The following IKBKB-DT variants were observed in gnomAD, a reference collection of about 807,000 sequenced individuals.
IKBKB-DT encodes the protein IKBKB divergent transcript, also known as IKBKB antisense RNA.
intron 1 of IKBKB-DT, among the ~76,000 whole-genome samples, chr8:42,268,694 G>A (rs980161781): frequency 6.6e-6 from 1 of 151,286 alleles, no homozygotes; most frequent in Non-Finnish European, 1.5e-5. Context: ...AGCCTCCCAA[G>A]TAGCTGGGAT....
At chr8:42,244,526 A>T (rs2129909571) in intron 3 of IKBKB-DT, among the ~76,000 whole-genome samples, 1 of 152,294 alleles carries the variant, frequency 6.6e-6, no homozygotes, top group East Asian at 1.9e-4. Context: ...GTGCTGATTA[A>T]TAATAATTTG....
rs148439826 is a variant in IKBKB-DT, at chr8:42,238,614, G to A, written n.1530-4755C>T. ...GTTAGGAGTCACGGAGCCAGAGGTC[G>A]TTGAGATTTGTGACTTCCCCAATCA... is the stretch of plus-strand genomic sequence containing the variant. On this transcript the variant is annotated intron_variant and non_coding_transcript_variant, in intron 3 of 3. Coordinates refer to ENST00000518213, the Ensembl canonical transcript of IKBKB-DT. 4.3e-4 allele frequency among the ~76,000 whole-genome samples: 66 copies of A among 152,300 alleles called. 1 individual carries two copies. In the East Asian group the frequency reaches 6.9e-3, roughly 16 times the overall value.
intron 3 of IKBKB-DT, among the ~76,000 whole-genome samples, chr8:42,238,987 G>C (rs1806963094): frequency 6.6e-6 from 1 of 152,098 alleles, no homozygotes. Flanking sequence ...CTGCAACACT[G>C]CTGTCTCTGT....
chr8:42,247,796 T>C (rs1807080687), intron 3 of IKBKB-DT, among the ~76,000 whole-genome samples: 1 of 152,064 alleles, frequency 6.6e-6, no homozygotes, highest in Non-Finnish European at 1.5e-5. Context: ...CCTGCTGCCT[T>C]GTGAAGAAAG....
chr8:42,241,223 TC>T (rs1179389333), intron 3 of IKBKB-DT, among the ~76,000 whole-genome samples: 8 of 122,072 alleles, frequency 6.6e-5, no homozygotes, highest in African/African-American at 1.6e-4. Flanking sequence ...TATGTTGGAA[TC>T]TTTTTTTTTT....
At chr8:42,254,687 C>T (rs1361791974) in intron 3 of IKBKB-DT, among the ~76,000 whole-genome samples, 3 of 146,488 alleles carry the variant, frequency 2.0e-5, no homozygotes, top group Non-Finnish European at 4.5e-5. Flanking sequence ...GGGCCTCTGC[C>T]TGGCCTCCCC....
chr8:42,267,516 C>A (rs1807391896), intron 1 of IKBKB-DT, among the ~76,000 whole-genome samples: 1 of 152,032 alleles, frequency 6.6e-6, no homozygotes, highest in South Asian at 2.1e-4. Flanking sequence ...GTCTTAAAAA[C>A]CCAGTAAGAT....
At chr8:42,261,270 G>A (rs536326921) in intron 3 of IKBKB-DT, among the ~76,000 whole-genome samples, 9 of 152,058 alleles carry the variant, frequency 5.9e-5, no homozygotes, top group Admixed American at 5.2e-4. Context: ...CGAGGCTGCA[G>A]TGAGCCATGA....
At chr8:42,243,115 G>C (rs1807024215) in intron 3 of IKBKB-DT, among the ~76,000 whole-genome samples, 1 of 152,206 alleles carries the variant, frequency 6.6e-6, no homozygotes, top group Non-Finnish European at 1.5e-5. Context: ...CCTCGTGCCA[G>C]CTTAGTGTCT....
Position 42,236,231 on chromosome 8 carries a change from C to A in IKBKB-DT, n.1530-2372G>T, listed in dbSNP as rs531778987. ...GCACAGGCTGGTCTTGAACTCCTGG[C>A]CTCCAGCAATCCACCCACCTTGACC... On this transcript the variant is annotated intron_variant and non_coding_transcript_variant, in intron 3 of 3. Transcript: ENST00000518213. Among the ~76,000 whole-genome samples, 396 of 151,664 alleles carry A rather than the reference C, an allele frequency of 2.6e-3. 6 individuals carry two copies. The highest frequency in any genetic ancestry group is 0.025 in the Admixed American group (377 of 15,242).
chr8:42,251,762 G>A (rs528910386), intron 3 of IKBKB-DT, among the ~76,000 whole-genome samples: 1 of 150,646 alleles, frequency 6.6e-6, no homozygotes, highest in African/African-American at 2.5e-5. Context: ...ACCTGGGGCA[G>A]AGGTTGCCGT....
At chr8:42,250,573 A>G (rs563275865) in intron 3 of IKBKB-DT, among the ~76,000 whole-genome samples, 2 of 152,302 alleles carry the variant, frequency 1.3e-5, no homozygotes, top group African/African-American at 2.4e-5. Flanking sequence ...ATGTCTCCCA[A>G]AGTTATCTTG....
intron 2 of IKBKB-DT, among the ~76,000 whole-genome samples, chr8:42,263,810 G>T (rs190925432): frequency 3.3e-5 from 5 of 152,020 alleles, no homozygotes; most frequent in Non-Finnish European, 7.4e-5. Flanking sequence ...ATGGAGACGC[G>T]TTTTTTTGTT....
chr8:42,245,431 T>C (rs533761013), intron 3 of IKBKB-DT, among the ~76,000 whole-genome samples: 4 of 152,312 alleles, frequency 2.6e-5, no homozygotes, highest in Non-Finnish European at 1.5e-5. Context: ...AAACTGATTG[T>C]GTTCACAAAG....
exon 2 of IKBKB-DT, chr8:42,265,645 C>T (rs1176542230): frequency 6.6e-6 from 1 of 152,276 alleles, no homozygotes; most frequent in East Asian, 1.9e-4. Context: ...TACACCGGCC[C>T]ATAGCCTTTG....
chr8:42,271,190 G>A (rs1384325114), exon 1 of IKBKB-DT: 1 of 610,688 alleles, frequency 1.6e-6, no homozygotes, highest in Non-Finnish European at 2.9e-6. Flanking sequence ...CCGCCCCGGG[G>A]GAGTCGCCCG....
chr8:42,246,717 T>C (rs1488765682), intron 3 of IKBKB-DT, among the ~76,000 whole-genome samples: 1 of 152,336 alleles, frequency 6.6e-6, no homozygotes, highest in Middle Eastern at 3.4e-3. Flanking sequence ...ACCCTTTGAC[T>C]ATCCCTACAT....
At chr8:42,258,635 A>AT (rs1807240248) in intron 3 of IKBKB-DT, among the ~76,000 whole-genome samples, 1 of 151,668 alleles carries the variant, frequency 6.6e-6, no homozygotes, top group Non-Finnish European at 1.5e-5. Flanking sequence ...TGCCCGGCTA[A>AT]TTTTTTGTAT....
intron 3 of IKBKB-DT, among the ~76,000 whole-genome samples, chr8:42,260,039 GAGA>G (rs1488879473): frequency 2.0e-5 from 3 of 151,234 alleles, no homozygotes; most frequent in Non-Finnish European, 4.4e-5. Flanking sequence ...GAGAAGTGGA[GAGA>G]AGATGAGAGA....
Sources: allele counts gnomAD v4.1 joint callset (sites outside exome capture counted in the v4.1 genomes callset), GRCh38; gene constraint gnomAD v4.1.1; transcripts MANE v1.5; gene names NCBI Gene and HGNC (gene_info 2026-07-23, HGNC 2026-07-21).